Variants in TCF3 observed in about 807,000 individuals in gnomAD.
TCF3 encodes transcription factor E2-alpha.
Under a neutral mutation model 72.3 loss-of-function variants are expected in TCF3, and 54 were observed. The observed-to-expected ratio is 0.75, with a 90% CI of 0.60 to 0.94. The LOEUF is 0.94. Ranked by LOEUF, TCF3 falls within the 40% of genes least tolerant of loss-of-function variation. TCF3 has a pLI of 0.00. For synonymous variants in TCF3, 525 were observed against 412.6 expected (o/e 1.27, Z -3.30); for missense variants, 1,078 against 934.4 (o/e 1.15, Z -2.00).
rs112365936 is a variant in TCF3 at position 1,613,140 on chromosome 19, C to T, written c.1823-1291G>A. On this transcript the variant is annotated intron_variant, in intron 18 of 18. Coordinates refer to ENST00000262965, the MANE Select transcript of TCF3 (RefSeq NM_003200.5). Reference sequence around the variant, plus strand: ...GCTGGTGTTGGTGTGGGCAGCAGTACGGGTCCACATGCTGATGTGTGTGTT... The same window carrying T: ...GCTGGTGTTGGTGTGGGCAGCAGTATGGGTCCACATGCTGATGTGTGTGTT... Among the ~76,000 whole-genome samples, 966 of 151,438 alleles carry T rather than the reference C, an allele frequency of 6.4e-3. 12 individuals carry two copies. Among genetic ancestry groups the T allele is most frequent in the African/African-American group, 0.022 (901 of 41,508 alleles).
At chr19:1,647,361 G>A (rs2066282977) in intron 2 of TCF3, among the ~76,000 whole-genome samples, 1 of 152,234 alleles carries the variant, frequency 6.6e-6, no homozygotes, top group South Asian at 2.1e-4. Flanking sequence ...TCAGAGCCAG[G>A]GGCTTTCTGA....
At position 1,610,932 on chromosome 19, in the gene TCF3, G is replaced by GT. The variant is rs955166213; in HGVS notation, c.*774_*775insA. The GT allele has an allele frequency of 4.7e-6, 1 of 212,984 alleles. No individual in the cohort carries two copies. Among genetic ancestry groups the GT allele is most frequent in the Non-Finnish European group, 9.5e-6 (1 of 105,734 alleles). 13.2% of individuals were successfully genotyped at this position (212,984 alleles called of 1,614,324 possible). On this transcript the variant is annotated 3_prime_UTR_variant, in exon 19 of 19. Transcript: ENST00000262965. ...CTGTGTGCAGTGGCTTCCGGGGGGG[G>GT]GGGGGGACGGGGGGGCTCAGGTTTA... is the stretch of plus-strand genomic sequence containing the variant.
chr19:1,609,474 C>A lies in TCF3; in HGVS notation c.*2233G>T. On this transcript the variant is annotated 3_prime_UTR_variant, in exon 19 of 19. Transcript: ENST00000262965. ...CATCTTGAGGCACTCAGATCACACC[C>A]CCCACCCCCCATAATTGTGGTTCCC... is the stretch of plus-strand genomic sequence containing the variant. 1 of 216,904 alleles carries A rather than the reference C, an allele frequency of 4.6e-6. No homozygotes were observed. Among genetic ancestry groups the A allele is most frequent in the Non-Finnish European group, 9.2e-6 (1 of 108,532 alleles). 13.4% of individuals were successfully genotyped at this position (216,904 alleles called of 1,614,324 possible).
At position 1,652,465 on chromosome 19, in the gene TCF3, T is replaced by G. The variant is rs2067278537; in HGVS notation, c.-205A>C. Reference sequence around the variant, plus strand: ...GCCCCTCCCACCCCCGCGTGGCCCGTCCCGCGGGGCCCGTGCGCGCGGCCG... The same window carrying G: ...GCCCCTCCCACCCCCGCGTGGCCCGGCCCGCGGGGCCCGTGCGCGCGGCCG... On this transcript the variant is annotated 5_prime_UTR_variant, in exon 1 of 19. Transcript: ENST00000262965. 1.5e-5 allele frequency: 2 copies of G among 133,616 alleles called. No homozygotes were observed. Among genetic ancestry groups the G allele is most frequent in the African/African-American group, 2.7e-5 (1 of 37,006 alleles). 8.3% of individuals were successfully genotyped at this position (133,616 alleles called of 1,614,324 possible).
Position 1,632,425 on chromosome 19 carries a change from A to C in TCF3, c.146-20T>G, listed in dbSNP as rs555412484. On this transcript the variant is annotated intron_variant, in intron 3 of 18. Coordinates refer to ENST00000262965, the MANE Select transcript of TCF3 (RefSeq NM_003200.5). ...CAAGACCTGCAGGCAGGACAGAGAG[A>C]GTTATGGGTCACCCTCACGCCTGCC... is the stretch of plus-strand genomic sequence containing the variant. 4 of 1,580,230 alleles carry C rather than the reference A, an allele frequency of 2.5e-6. No homozygotes were observed. The East Asian group carries it at 9.2e-5, about 36-fold the overall frequency.
chr19:1,621,275 G>A, intron 11 of TCF3, 84 bp from the exon 12 acceptor site: 1 of 1,439,702 alleles, frequency 6.9e-7, no homozygotes, highest in Non-Finnish European at 9.3e-7. Flanking sequence ...CTGCCGTCCT[G>A]CACAGACACT....
rs1370564747 is a variant in TCF3 at position 1,611,399 on chromosome 19, C to G, written c.*308G>C. On this transcript the variant is annotated 3_prime_UTR_variant, in exon 19 of 19. Coordinates refer to ENST00000262965, the MANE Select transcript of TCF3 (RefSeq NM_003200.5). Reference sequence around the variant, plus strand: ...AAAAAAAAAAAATGCTCCTGTCAGCCCAGGCAACAGGGCCAAGATGCAGTT... The same window carrying G: ...AAAAAAAAAAAATGCTCCTGTCAGCGCAGGCAACAGGGCCAAGATGCAGTT... 1 of 404,072 alleles carries G rather than the reference C, an allele frequency of 2.5e-6. No homozygotes were observed. Among genetic ancestry groups the G allele is most frequent in the African/African-American group, 2.1e-5 (1 of 48,728 alleles). The allele number at this position is 404,072 out of a possible 1,614,324, so 25.0% of individuals were successfully genotyped here.
At position 1,621,900 on chromosome 19, in the gene TCF3, C is replaced by T. The variant is rs569364228; in HGVS notation, c.893G>A (p.Gly298Glu). The T allele has an allele frequency of 9.4e-5, 151 of 1,599,346 alleles. 2 individuals carry two copies. The South Asian group carries it at 1.6e-3, about 17-fold the overall frequency. Residue 298 changes from glycine (G) to glutamate (E), a missense_variant, in exon 11 of 19, where the codon GGA (glycine) becomes GAA (glutamate). Physicochemically the swap from Gly to Glu is moderately conservative, Grantham distance 98 (BLOSUM62 -2). Coordinates refer to ENST00000262965, the MANE Select transcript of TCF3 (RefSeq NM_003200.5). ...PSASSFSSAP[G>E]ATYGGVSSHT... ...GCTGGAGACGCCGCCGTACGTGGCT[C>T]CGGGGGCTGAGGAGAAGGAGGATGC...
chr19:1,617,976 G>T (rs1393771753), intron 16 of TCF3, among the ~76,000 whole-genome samples: 1 of 152,170 alleles, frequency 6.6e-6, no homozygotes, highest in Non-Finnish European at 1.5e-5. Flanking sequence ...AAGGTACTTG[G>T]AAAGTCTGCC....
At chr19:1,631,595 G>A (rs1001433422) in intron 5 of TCF3, among the ~76,000 whole-genome samples, 1 of 152,066 alleles carries the variant, frequency 6.6e-6, no homozygotes, top group Non-Finnish European at 1.5e-5. Context: ...CGGTTAACAG[G>A]AGGGCCCCCC....
At chr19:1,635,497 C>T (rs1307866636) in intron 3 of TCF3, among the ~76,000 whole-genome samples, 1 of 152,074 alleles carries the variant, frequency 6.6e-6, no homozygotes, top group Non-Finnish European at 1.5e-5. Flanking sequence ...GGAGGTGACC[C>T]CCACCCACAC....
chr19:1,609,744 A>T lies in TCF3; in HGVS notation c.*1963T>A, dbSNP rs949644567. The T allele has an allele frequency of 8.7e-6, 2 of 229,056 alleles. No homozygotes were observed. The highest frequency in any genetic ancestry group is 1.7e-5 in the Non-Finnish European group (2 of 115,720). The allele number at this position is 229,056 out of a possible 1,614,324, so 14.2% of individuals were successfully genotyped here. ...CGCCTGGCCTGGACTGGGGGCAGAT[A>T]CCAGGCATTGAGCTGGCCTTGAGGT... is the stretch of plus-strand genomic sequence containing the variant. On this transcript the variant is annotated 3_prime_UTR_variant, in exon 19 of 19. Transcript: ENST00000262965.
intron 6 of TCF3, 29 bp downstream of exon 6, chr19:1,627,330 T>C (rs1386470438): frequency 5.7e-6 from 9 of 1,578,680 alleles, no homozygotes; most frequent in African/African-American, 1.4e-5. Flanking sequence ...AAAATCAAAA[T>C]ACACCCCAGC....
At chr19:1,621,338 G>A in intron 11 of TCF3, 147 bp from the exon 12 acceptor site, 2 of 1,004,180 alleles carry the variant, frequency 2.0e-6, no homozygotes, top group Non-Finnish European at 2.9e-6. Context: ...CTGACCCCCT[G>A]AAACCAGCCT....
At chr19:1,632,894 C>A (rs1331318805) in intron 3 of TCF3, among the ~76,000 whole-genome samples, 1 of 152,208 alleles carries the variant, frequency 6.6e-6, no homozygotes, top group Non-Finnish European at 1.5e-5. Context: ...TCCCTGTCCC[C>A]ACCTGCCAGT....
intron 18 of TCF3, chr19:1,612,086 C>G: frequency 9.3e-7 from 1 of 1,078,888 alleles, no homozygotes. Context: ...GGGTCTGAGT[C>G]CAGCCACAAA....
chr19:1,627,516 C>T, intron 5 of TCF3, 90 bp from the exon 6 acceptor site: 1 of 1,193,666 alleles, frequency 8.4e-7, no homozygotes, highest in African/African-American at 1.5e-5. Context: ...ACAATAGGCT[C>T]TCAGTAAGTG....
intron 3 of TCF3, among the ~76,000 whole-genome samples, chr19:1,634,485 G>A (rs959322572): frequency 1.3e-5 from 2 of 152,224 alleles, no homozygotes; most frequent in African/African-American, 2.4e-5. Flanking sequence ...CACCCCTTGG[G>A]CTTCAGTTCC....
chr19:1,619,153 C>T lies in TCF3; in HGVS notation c.1408G>A (p.Gly470Ser). ...HNHAALPSQP[G>S]TLPDLSRPPD... is the part of the protein sequence containing the mutation. ...GGCCGAGACAGGTCAGGGAGGGTGC[C>T]TGGCTGGCTGGGGAGGGCCGCGTGG... The change falls in exon 16 of 19, where the codon GGC becomes AGC. Residue 470 changes from glycine to serine, a missense_variant. Transcript: ENST00000262965. 6.2e-7 allele frequency: 1 copy of T among 1,600,132 alleles called. No homozygotes were observed. Among genetic ancestry groups the T allele is most frequent in the Non-Finnish European group, 8.5e-7 (1 of 1,179,758 alleles).
Sources: gnomAD v4.1 joint callset for allele counts (sites outside exome capture counted in the v4.1 genomes callset) on GRCh38, gnomAD v4.1.1 for gene constraint, MANE v1.5 for transcripts, NCBI Gene and HGNC (gene_info 2026-07-23, HGNC 2026-07-21) for gene names.